The following FAF1 variants were observed in gnomAD, a reference collection of about 807,000 sequenced individuals.
The protein encoded by FAF1 is FAS-associated factor 1.
In FAF1, 25 loss-of-function variants were observed where a neutral mutation model predicts 92.5. The ratio of observed to expected loss-of-function variants is 0.27; its 90% CI spans 0.20 to 0.38. The LOEUF (loss-of-function observed/expected upper bound fraction) is 0.38, where lower values mean the gene tolerates loss of function less well. Among genes scored for constraint, FAF1 ranks in the 10% least tolerant of loss-of-function variants. The pLI is 1.00. For synonymous variants in FAF1, 234 were observed against 273.2 expected (o/e 0.86, Z 1.42); for missense variants, 636 against 793.3 (o/e 0.80, Z 2.38).
chr1:50,620,084 T>C (rs1653120077), intron 8 of FAF1, among the ~76,000 whole-genome samples: 1 of 152,226 alleles, frequency 6.6e-6, no homozygotes, highest in South Asian at 2.1e-4. Context: ...AATTTTTGTA[T>C]TTTTAGTAAA....
At chr1:50,487,854 C>T (rs1395686836) in intron 17 of FAF1, among the ~76,000 whole-genome samples, 2 of 152,082 alleles carry the variant, frequency 1.3e-5, no homozygotes, top group Non-Finnish European at 1.5e-5. Flanking sequence ...TCAGGTGACC[C>T]GGCTTCTGAT....
rs146165467 is a variant in FAF1 at position 50,895,759 on chromosome 1, C to T, written c.46-37762G>A. Among the ~76,000 whole-genome samples, 970 of 152,106 alleles carry T rather than the reference C, an allele frequency of 6.4e-3. 4 individuals are homozygous for T. Among genetic ancestry groups the T allele is most frequent in the Middle Eastern group, 0.017 (5 of 294 alleles). On this transcript the variant is annotated intron_variant, in intron 1 of 18. Transcript: ENST00000396153. ...AATATACACAAATCAATCTATGTGA[C>T]ACATCATATCGACAGAATGAAGGAC...
At chr1:50,806,880 C>T (rs1262088775) in intron 2 of FAF1, among the ~76,000 whole-genome samples, 1 of 152,164 alleles carries the variant, frequency 6.6e-6, no homozygotes, top group Non-Finnish European at 1.5e-5. Flanking sequence ...AACAAACAAA[C>T]AAACACATTC....
intron 1 of FAF1, among the ~76,000 whole-genome samples, chr1:50,876,164 G>A (rs964080752): frequency 2.0e-5 from 3 of 152,186 alleles, no homozygotes; most frequent in Non-Finnish European, 4.4e-5. Flanking sequence ...TACTTGAGCA[G>A]GCTTCGTGCT....
chr1:50,827,993 T>C (rs949203801), intron 2 of FAF1, among the ~76,000 whole-genome samples: 9 of 152,142 alleles, frequency 5.9e-5, no homozygotes, highest in African/African-American at 1.4e-4. Context: ...TTTGAGGAAA[T>C]TGATAACTTG....
intron 5 of FAF1, among the ~76,000 whole-genome samples, chr1:50,741,065 G>T (rs1659367432): frequency 6.6e-6 from 1 of 152,118 alleles, no homozygotes; most frequent in African/African-American, 2.4e-5. Flanking sequence ...TTTATTTCAG[G>T]TCTGTTATGC....
At chr1:50,641,133 A>G (rs1654308421) in intron 8 of FAF1, among the ~76,000 whole-genome samples, 1 of 151,920 alleles carries the variant, frequency 6.6e-6, no homozygotes, top group Non-Finnish European at 1.5e-5. Flanking sequence ...CACCTGGCCT[A>G]ATTGATCTTT....
chr1:50,803,543 G>C (rs373412962), intron 2 of FAF1, among the ~76,000 whole-genome samples: 5 of 152,096 alleles, frequency 3.3e-5, no homozygotes, highest in African/African-American at 1.2e-4. Flanking sequence ...GTCTGGCATA[G>C]TGTCTGCACA....
At chr1:50,826,891 G>A (rs946413213) in intron 2 of FAF1, among the ~76,000 whole-genome samples, 1 of 152,064 alleles carries the variant, frequency 6.6e-6, no homozygotes, top group Non-Finnish European at 1.5e-5. Flanking sequence ...TGGGAAGTGA[G>A]GAGCGCCTCT....
chr1:50,644,703 TTGGC>T (rs1392050176), intron 8 of FAF1, among the ~76,000 whole-genome samples: 1 of 152,258 alleles, frequency 6.6e-6, no homozygotes, highest in Non-Finnish European at 1.5e-5. Flanking sequence ...CAGAGTCCTG[TTGGC>T]TAATATCTGA....
At chr1:50,785,132 CAAAAAAAAAAAA>C (rs748061344) in intron 4 of FAF1, among the ~76,000 whole-genome samples, 1 of 59,130 alleles carries the variant, frequency 1.7e-5, no homozygotes, top group Non-Finnish European at 3.2e-5. Flanking sequence ...GACCCTATCT[CAAAAAAAAAAAA>C]AAAAAAAAAA....
chr1:50,453,621 G>C (rs1160769787), intron 18 of FAF1, among the ~76,000 whole-genome samples: 1 of 152,200 alleles, frequency 6.6e-6, no homozygotes, highest in East Asian at 1.9e-4. Flanking sequence ...ATCATGAACA[G>C]AGCACGTGTT....
intron 17 of FAF1, among the ~76,000 whole-genome samples, chr1:50,487,396 T>C: frequency 6.6e-6 from 1 of 152,240 alleles, no homozygotes; most frequent in East Asian, 1.9e-4. Context: ...GTTAGTCTTA[T>C]CTTTGGCATT....
At chr1:50,839,030 G>C (rs1644234721) in intron 2 of FAF1, among the ~76,000 whole-genome samples, 1 of 152,034 alleles carries the variant, frequency 6.6e-6, no homozygotes, top group Non-Finnish European at 1.5e-5. Context: ...TATGACCTCA[G>C]GTACTGCTTT....
At chr1:50,759,299 C>A (rs969688528) in intron 4 of FAF1, among the ~76,000 whole-genome samples, 3 of 110,594 alleles carry the variant, frequency 2.7e-5, no homozygotes, top group Non-Finnish European at 5.4e-5. Flanking sequence ...ATCCCTCCCC[C>A]CTCCCCCCCA....
intron 18 of FAF1, among the ~76,000 whole-genome samples, chr1:50,449,724 C>T (rs1646271989): frequency 6.6e-6 from 1 of 151,206 alleles, no homozygotes; most frequent in South Asian, 2.1e-4. Context: ...TCTTGACCTC[C>T]TGATCTGCCC....
chr1:50,576,668 G>C (rs1650758769), intron 12 of FAF1, among the ~76,000 whole-genome samples: 1 of 130,658 alleles, frequency 7.7e-6, no homozygotes, highest in South Asian at 2.8e-4. Context: ...ACCAAGATAT[G>C]ATCTTGTTCT....
intron 2 of FAF1, among the ~76,000 whole-genome samples, chr1:50,810,351 C>T (rs1197296833): frequency 6.6e-6 from 1 of 152,158 alleles, no homozygotes; most frequent in Non-Finnish European, 1.5e-5. Flanking sequence ...TCTCAAGATA[C>T]AGAAAAGGCT....
chr1:50,785,418 T>C (rs140024044), intron 4 of FAF1, among the ~76,000 whole-genome samples: 2,129 of 152,064 alleles, frequency 0.014, 17 homozygotes, highest in Non-Finnish European at 0.022. Context: ...GAAAAACTTC[T>C]ATAACTCAAC....
Sources: gnomAD v4.1 joint callset for allele counts (sites outside exome capture counted in the v4.1 genomes callset) on GRCh38, gnomAD v4.1.1 for gene constraint, MANE v1.5 for transcripts, NCBI Gene and HGNC (gene_info 2026-07-23, HGNC 2026-07-21) for gene names.